FOXN1: variants seen among roughly 807,000 people sequenced by gnomAD.
The protein encoded by FOXN1 is forkhead box N1, also known as forkhead box protein N1.
A neutral mutation model predicts 49.0 loss-of-function variants in FOXN1; 15 were observed. The ratio of observed to expected loss-of-function variants is 0.31; its 90% confidence interval spans 0.20 to 0.47. The LOEUF (loss-of-function observed/expected upper bound fraction) is 0.47. Among genes scored for constraint, FOXN1 ranks in the 20% least tolerant of loss-of-function variants. The probability of loss-of-function intolerance (pLI) is 1.00; values close to 1 mark genes in which losing one functional copy is unlikely to be tolerated. For missense variants in FOXN1, 800 were observed against 842.8 expected, an observed-to-expected ratio of 0.95 and a Z score of 0.63; for synonymous variants, 356 against 369.0, an observed-to-expected ratio of 0.96 and a Z score of 0.40.
At position 28,507,724 on chromosome 17, in the gene FOXN1, G is replaced by A. The variant is rs147073933; in HGVS notation, c.-15+1281G>A. Among the ~76,000 whole-genome samples the A allele has an allele frequency of 2.0e-3, 299 of 152,298 alleles. 8 individuals carry two copies. Among genetic ancestry groups the A allele is most frequent in the Admixed American group, 0.014 (218 of 15,308 alleles). ...TCGGATCCGAGGGCGGCGTTGCACTGCAGTCCTGTCCCCACCGGGCTTGGC... is the reference window on the plus strand; with the variant it reads ...TCGGATCCGAGGGCGGCGTTGCACTACAGTCCTGTCCCCACCGGGCTTGGC... On this transcript the variant is annotated intron_variant, in intron 1 of 8. Transcript: ENST00000579795.
intron 3 of FOXN1, among the ~76,000 whole-genome samples, chr17:28,526,259 G>A (rs2069764151): frequency 6.6e-6 from 1 of 152,212 alleles, no homozygotes; most frequent in South Asian, 2.1e-4. Flanking sequence ...GAAGGGGTTG[G>A]ACACAAGTGC....
chr17:28,522,483 C>G (rs61214476), intron 1 of FOXN1, among the ~76,000 whole-genome samples: 1 of 152,060 alleles, frequency 6.6e-6, no homozygotes, highest in Non-Finnish European at 1.5e-5. Context: ...CCCTTCTCTA[C>G]TAAAAATACA....
At chr17:28,527,924 C>T (rs917793838) in intron 4 of FOXN1, among the ~76,000 whole-genome samples, 3 of 152,194 alleles carry the variant, frequency 2.0e-5, no homozygotes, top group African/African-American at 4.8e-5. Context: ...GTATAGGATG[C>T]CAAGTAATTG....
intron 1 of FOXN1, among the ~76,000 whole-genome samples, chr17:28,512,242 C>T (rs1234266374): frequency 6.6e-6 from 1 of 152,226 alleles, no homozygotes; most frequent in Non-Finnish European, 1.5e-5. Context: ...ATTCTTTGGC[C>T]CTTATCACAG....
chr17:28,527,349 C>G lies in FOXN1; in HGVS notation c.687C>G (p.Pro229=). The change falls in exon 4 of 9, where the codon CCC becomes CCG. Residue 229 remains proline (P), a synonymous_variant. Coordinates refer to ENST00000579795, the MANE Select transcript of FOXN1 (RefSeq NM_001369369.1). ...AGCATATGTACTGCTCCTCCCAGCC[C>G]CCCTTCCACCAGGTGGGTCTGGGGC... The part of the protein sequence containing the change: ...PLQHMYCSSQ[P]PFHQYSPGGG... The G allele has an allele frequency of 1.2e-6, 2 of 1,610,292 alleles. No individual in the cohort carries two copies. The highest frequency in any genetic ancestry group is 2.2e-5 in the South Asian group (2 of 90,746).
At chr17:28,519,219 A>T (rs1430736422) in intron 1 of FOXN1, among the ~76,000 whole-genome samples, 1 of 152,068 alleles carries the variant, frequency 6.6e-6, no homozygotes, top group African/African-American at 2.4e-5. Flanking sequence ...TAATCTCAGC[A>T]CTTTGGGAGG....
chr17:28,518,422 G>C (rs1417163195), intron 1 of FOXN1, among the ~76,000 whole-genome samples: 1 of 152,250 alleles, frequency 6.6e-6, no homozygotes, highest in Non-Finnish European at 1.5e-5. Context: ...AAGGAGCCAA[G>C]AGAAGGCTCT....
At chr17:28,511,442 G>C (rs930510851) in intron 1 of FOXN1, among the ~76,000 whole-genome samples, 1 of 152,158 alleles carries the variant, frequency 6.6e-6, no homozygotes, top group African/African-American at 2.4e-5. Context: ...GCACCAGCAG[G>C]ACGAGGGCCC....
intron 2 of FOXN1, among the ~76,000 whole-genome samples, 166 bp from the exon 3 acceptor site, chr17:28,524,337 C>T (rs2069712721): frequency 2.2e-5 from 1 of 46,448 alleles, no homozygotes; most frequent in East Asian, 5.9e-4. Context: ...GGCAGGGTGC[C>T]CTCATGAAAT....
intron 6 of FOXN1, among the ~76,000 whole-genome samples, chr17:28,532,541 T>G (rs1265976071): frequency 1.3e-5 from 2 of 152,232 alleles, no homozygotes; most frequent in African/African-American, 4.8e-5. Context: ...TCAGATCCGT[T>G]GGCACATAGA....
At chr17:28,519,176 T>G (rs1392880590) in intron 1 of FOXN1, among the ~76,000 whole-genome samples, 1 of 151,950 alleles carries the variant, frequency 6.6e-6, no homozygotes, top group African/African-American at 2.4e-5. Context: ...GATACAAAAG[T>G]GCAGAGGGGC....
chr17:28,517,153 T>C (rs2069527408), intron 1 of FOXN1, among the ~76,000 whole-genome samples: 1 of 125,620 alleles, frequency 8.0e-6, no homozygotes, highest in Non-Finnish European at 1.7e-5. Flanking sequence ...GGTACACACC[T>C]CCACAGGATC....
At chr17:28,520,408 G>A (rs2069616298) in intron 1 of FOXN1, among the ~76,000 whole-genome samples, 1 of 152,206 alleles carries the variant, frequency 6.6e-6, no homozygotes, top group Non-Finnish European at 1.5e-5. Flanking sequence ...TTGTAGAATA[G>A]AGCTTTAGCT....
intron 6 of FOXN1, among the ~76,000 whole-genome samples, chr17:28,533,004 C>T (rs2069950847): frequency 6.6e-6 from 1 of 152,114 alleles, no homozygotes; most frequent in African/African-American, 2.4e-5. Flanking sequence ...TCCCTGGTGA[C>T]CCTGGGAGCC....
intron 1 of FOXN1, among the ~76,000 whole-genome samples, chr17:28,522,763 G>T (rs970070494): frequency 2.0e-5 from 3 of 152,012 alleles, no homozygotes; most frequent in Non-Finnish European, 2.9e-5. Context: ...GCTTGAACCC[G>T]GGAGGCAGAG....
At chr17:28,532,667 G>A (rs2069940810) in intron 6 of FOXN1, among the ~76,000 whole-genome samples, 1 of 152,244 alleles carries the variant, frequency 6.6e-6, no homozygotes, top group Non-Finnish European at 1.5e-5. Flanking sequence ...TTCTGGGCAA[G>A]GATAGACTGG....
chr17:28,526,761 A>G (rs956746673), intron 3 of FOXN1, among the ~76,000 whole-genome samples: 2 of 152,154 alleles, frequency 1.3e-5, no homozygotes, highest in Admixed American at 1.3e-4. Context: ...GAGGAAACAG[A>G]AGGGACCCAG....
chr17:28,536,393 A>T (rs1331332061), intron 8 of FOXN1, among the ~76,000 whole-genome samples: 1 of 152,224 alleles, frequency 6.6e-6, no homozygotes, highest in African/African-American at 2.4e-5. Context: ...CCTAGAGGAT[A>T]GGAAGGATTA....
At chr17:28,531,123 G>A (rs953548265) in intron 6 of FOXN1, among the ~76,000 whole-genome samples, 10 of 152,214 alleles carry the variant, frequency 6.6e-5, no homozygotes, top group African/African-American at 2.2e-4. Context: ...AGGTAGCACC[G>A]ATGGGCCTCA....
Sources: gnomAD v4.1 joint callset for allele counts (sites outside exome capture counted in the v4.1 genomes callset) on GRCh38, gnomAD v4.1.1 for gene constraint, MANE v1.5 for transcripts, NCBI Gene and HGNC (gene_info 2026-07-23, HGNC 2026-07-21) for gene names.